DAB1: variants seen among roughly 807,000 people sequenced by gnomAD.
DAB1 encodes disabled homolog 1.
A neutral mutation model predicts 64.6 loss-of-function variants in DAB1; 15 were observed. That is an observed-to-expected ratio of 0.23 (90% CI 0.16 to 0.36). The LOEUF (loss-of-function observed/expected upper bound fraction) is 0.36, where lower values mean the gene tolerates loss of function less well. Among genes scored for constraint, DAB1 ranks in the 10% least tolerant of loss-of-function variants. The pLI, the probability that DAB1 is intolerant of heterozygous loss-of-function variation, is 1.00. For missense variants in DAB1, 596 were observed against 706.7 expected (o/e 0.84, Z 1.78); for synonymous variants, 235 against 251.9 (o/e 0.93, Z 0.64).
At chr1:57,175,122 AAT>A (rs1220380386) in intron 2 of DAB1, among the ~76,000 whole-genome samples, 5 of 152,152 alleles carry the variant, frequency 3.3e-5, no homozygotes, top group African/African-American at 7.2e-5. Flanking sequence ...GAAATCAAAG[AAT>A]ATATGTTTTA....
chr1:57,343,449 C>T (rs911039773), intron 1 of DAB1, among the ~76,000 whole-genome samples: 3 of 152,238 alleles, frequency 2.0e-5, no homozygotes, highest in South Asian at 2.1e-4. Context: ...ACCGTGCGCC[C>T]GCACTCCTGA....
At chr1:58,034,278 G>A (rs1447220144) in intron 5 of DAB1, among the ~76,000 whole-genome samples, 1 of 152,208 alleles carries the variant, frequency 6.6e-6, no homozygotes, top group Non-Finnish European at 1.5e-5. Context: ...AACAGCCAGA[G>A]GAACCGAGCC....
chr1:57,238,812 TACAC>T (rs550202550), intron 2 of DAB1, among the ~76,000 whole-genome samples: 4 of 127,962 alleles, frequency 3.1e-5, no homozygotes, highest in Admixed American at 7.9e-5. Flanking sequence ...AATACACACA[TACAC>T]ACACTGGCAG....
intron 6 of DAB1, among the ~76,000 whole-genome samples, chr1:57,656,396 T>C (rs1390293217): frequency 6.6e-6 from 1 of 152,226 alleles, no homozygotes; most frequent in African/African-American, 2.4e-5. Context: ...GCAACACATA[T>C]ACTAAAAGAG....
intron 3 of DAB1, among the ~76,000 whole-genome samples, chr1:57,143,858 GA>G (rs1193241973): frequency 6.7e-6 from 1 of 148,362 alleles, no homozygotes; most frequent in Non-Finnish European, 1.5e-5. Flanking sequence ...TTTTACATTT[GA>G]AAATATTTCA....
At chr1:57,601,476 G>A (rs1451606206) in intron 7 of DAB1, among the ~76,000 whole-genome samples, 3 of 152,174 alleles carry the variant, frequency 2.0e-5, no homozygotes, top group South Asian at 2.1e-4. Flanking sequence ...GCTGAGGTAT[G>A]AGAATTGCTT....
chr1:58,057,749 T>G (rs1295913424), intron 5 of DAB1, among the ~76,000 whole-genome samples: 1 of 152,164 alleles, frequency 6.6e-6, no homozygotes, highest in Non-Finnish European at 1.5e-5. Context: ...GCTACCCCAG[T>G]TTGTGGTACT....
intron 4 of DAB1, among the ~76,000 whole-genome samples, chr1:58,259,956 A>G (rs183256916): frequency 4.4e-4 from 67 of 152,212 alleles, no homozygotes; most frequent in Non-Finnish European, 6.6e-4. Context: ...CTTCACAATA[A>G]CCCTATGAGG....
At chr1:58,202,918 G>A (rs1658077545) in intron 4 of DAB1, among the ~76,000 whole-genome samples, 1 of 152,134 alleles carries the variant, frequency 6.6e-6, no homozygotes, top group African/African-American at 2.4e-5. Context: ...TAAACCAATT[G>A]CTTAGTGCCA....
intron 3 of DAB1, among the ~76,000 whole-genome samples, chr1:58,387,722 C>CTTTTTTTTTT (rs35563837): frequency 5.5e-4 from 36 of 65,508 alleles, no homozygotes; most frequent in Non-Finnish European, 1.1e-3. Flanking sequence ...CTTTTCTTTT[C>CTTTTTTTTTT]TTTTTTTTTT....
chr1:58,164,314 A>C lies in DAB1; in HGVS notation n.310-13726T>G, dbSNP rs79702498. Among the ~76,000 whole-genome samples the C allele has an allele frequency of 6.9e-3, 1,056 of 152,272 alleles. 5 individuals are homozygous for C. Among genetic ancestry groups the C allele is most frequent in the Middle Eastern group, 0.02 (6 of 294 alleles). ...CTCCAAGCAATAGTGGATACAGATA[A>C]CTTTATTTCCACTTAAGTTCTCTAT... is the stretch of plus-strand genomic sequence containing the variant. On this transcript the variant is annotated intron_variant and non_coding_transcript_variant, in intron 4 of 20. Coordinates refer to the DAB1 transcript ENST00000485760.
chr1:58,362,308 A>C (rs1282523223), intron 3 of DAB1, among the ~76,000 whole-genome samples: 1 of 152,192 alleles, frequency 6.6e-6, no homozygotes, highest in Non-Finnish European at 1.5e-5. Flanking sequence ...TTAAACCCAG[A>C]CTGCCAAGGT....
chr1:57,100,946 A>C (rs1174902507), intron 4 of DAB1, among the ~76,000 whole-genome samples: 1 of 152,202 alleles, frequency 6.6e-6, no homozygotes, highest in Non-Finnish European at 1.5e-5. Flanking sequence ...GACATGGTTT[A>C]AGCACTTTAA....
intron 4 of DAB1, among the ~76,000 whole-genome samples, chr1:57,135,990 C>G (rs1166757510): frequency 6.6e-6 from 1 of 152,158 alleles, no homozygotes; most frequent in Non-Finnish European, 1.5e-5. Flanking sequence ...GAGTTAATTG[C>G]AGCTGTAAGG....
At chr1:57,644,404 G>A (rs541055709) in intron 7 of DAB1, among the ~76,000 whole-genome samples, 17 of 152,126 alleles carry the variant, frequency 1.1e-4, no homozygotes, top group Non-Finnish European at 1.8e-4. Flanking sequence ...GTCATAGAGG[G>A]AAGCTAGAAA....
intron 5 of DAB1, among the ~76,000 whole-genome samples, chr1:57,996,969 C>T (rs1411697430): frequency 6.6e-6 from 1 of 152,032 alleles, no homozygotes; most frequent in Non-Finnish European, 1.5e-5. Context: ...TCCGCCTCCA[C>T]CCCACTGCCA....
chr1:57,575,507 A>T (rs754170354), intron 7 of DAB1, among the ~76,000 whole-genome samples: 1 of 152,212 alleles, frequency 6.6e-6, no homozygotes, highest in Non-Finnish European at 1.5e-5. Flanking sequence ...GATACTAGAG[A>T]ATTGGAGTCA....
intron 2 of DAB1, among the ~76,000 whole-genome samples, chr1:57,260,113 A>G (rs1438304328): frequency 1.3e-5 from 2 of 152,180 alleles, no homozygotes; most frequent in African/African-American, 4.8e-5. Context: ...CCGCTAGTGT[A>G]GAGATTTAGC....
intron 3 of DAB1, among the ~76,000 whole-genome samples, chr1:58,421,079 T>C (rs571028932): frequency 4.3e-4 from 66 of 152,316 alleles, no homozygotes; most frequent in African/African-American, 1.5e-3. Flanking sequence ...ACCTCTAACA[T>C]ATCCACAGCT....
Sources: allele counts gnomAD v4.1 joint callset (sites outside exome capture counted in the v4.1 genomes callset), GRCh38; gene constraint gnomAD v4.1.1; transcripts MANE v1.5; gene names NCBI Gene and HGNC (gene_info 2026-07-23, HGNC 2026-07-21).